The following ESF1 variants were observed in gnomAD, a reference collection of about 807,000 sequenced individuals.
ESF1 encodes the protein ESF1 nucleolar pre-rRNA processing protein.
ESF1 carries 58 observed loss-of-function variants against 92.0 expected under a neutral mutation model. The ratio of observed to expected loss-of-function variants is 0.63; its 90% CI spans 0.51 to 0.78. ESF1 has a LOEUF of 0.78. Ranked by LOEUF, ESF1 falls within the 30% of genes least tolerant of loss-of-function variation. The pLI, the probability that ESF1 is intolerant of heterozygous loss-of-function variation, is 0.00. For missense variants in ESF1, 922 were observed against 989.1 expected (o/e 0.93, Z 0.91); for synonymous variants, 321 against 313.7 (o/e 1.02, Z -0.24).
At chr20:13,750,119 G>C (rs1055993826) in intron 9 of ESF1, among the ~76,000 whole-genome samples, 2 of 152,170 alleles carry the variant, frequency 1.3e-5, no homozygotes, top group Non-Finnish European at 2.9e-5. Context: ...ATTGAGAAAG[G>C]CTGCAAATCT....
chr20:13,717,398 T>G lies in ESF1; in HGVS notation c.2232A>C (p.Lys744Asn). The G allele has an allele frequency of 6.2e-7, 1 of 1,614,186 alleles. No homozygotes were observed. Among genetic ancestry groups the G allele is most frequent in the Non-Finnish European group, 8.5e-7 (1 of 1,180,026 alleles). The change falls in exon 13 of 14, where the codon AAA becomes AAC. Residue 744 changes from lysine to asparagine, a missense_variant. By Grantham distance (94) the Lys-to-Asn change is moderately conservative (BLOSUM62 0). Transcript: ENST00000617257. ...LSKKKKKQLMKKKELIEDDFE... is the reference protein window; with the variant it reads ...LSKKKKKQLMNKKELIEDDFE... ...AGTCATCCTCTATTAATTCCTTCTT[T>G]TTCATGAGCTGCTTTTTCTTCTTTT... is the stretch of plus-strand genomic sequence containing the variant.
At chr20:13,728,120 A>G (rs1199750064) in intron 11 of ESF1, among the ~76,000 whole-genome samples, 1 of 152,162 alleles carries the variant, frequency 6.6e-6, no homozygotes, top group African/African-American at 2.4e-5. Flanking sequence ...TATTTCCCAG[A>G]AAGGAATCCC....
Position 13,783,155 on chromosome 20 carries a change from C to T in ESF1, c.-15G>A. The T allele has an allele frequency of 4.4e-6, 7 of 1,586,430 alleles. No individual in the cohort carries two copies. The highest frequency in any genetic ancestry group is 6.0e-6 in the Non-Finnish European group (7 of 1,164,048). Reference sequence around the variant, plus strand: ...TTGGATGACATTTTTAATTCTTAATCTCGACCAAATGCTTGAAGAAAACAA... The same window carrying T: ...TTGGATGACATTTTTAATTCTTAATTTCGACCAAATGCTTGAAGAAAACAA... On this transcript the variant is annotated 5_prime_UTR_variant, in exon 2 of 14. Coordinates refer to ENST00000617257, the MANE Select transcript of ESF1 (RefSeq NM_001276380.2).
intron 11 of ESF1, among the ~76,000 whole-genome samples, chr20:13,724,213 T>G (rs2049886261): frequency 6.6e-6 from 1 of 152,160 alleles, no homozygotes; most frequent in Admixed American, 6.5e-5. Context: ...GAGAATCGCT[T>G]GAACCCAGGA....
chr20:13,747,477 A>G (rs2050058441), intron 9 of ESF1, among the ~76,000 whole-genome samples: 1 of 151,856 alleles, frequency 6.6e-6, no homozygotes, highest in Admixed American at 6.6e-5. Flanking sequence ...AGGCAGGAGA[A>G]CTGCTTGAAC....
intron 5 of ESF1, among the ~76,000 whole-genome samples, chr20:13,771,834 A>C (rs1979697409): frequency 6.6e-6 from 1 of 151,862 alleles, no homozygotes; most frequent in African/African-American, 2.4e-5. Flanking sequence ...GAAAACCATT[A>C]GCTAAAAGAC....
intron 1 of ESF1, 98 bp downstream of exon 1, chr20:13,784,782 A>G: frequency 2.1e-6 from 1 of 479,676 alleles, no homozygotes; most frequent in East Asian, 3.8e-5. Context: ...GATCCGAAAG[A>G]GATCCTGTTA....
intron 1 of ESF1, 36 bp from the exon 2 acceptor site, chr20:13,783,219 G>A (rs1980321106): frequency 2.2e-6 from 3 of 1,351,630 alleles, no homozygotes; most frequent in Non-Finnish European, 3.0e-6. Context: ...TGGTAATAAT[G>A]GTTAGTACAA....
intron 8 of ESF1, among the ~76,000 whole-genome samples, chr20:13,763,714 A>G (rs1312326824): frequency 6.6e-6 from 1 of 152,256 alleles, no homozygotes; most frequent in African/African-American, 2.4e-5. Context: ...TAAAATGGTC[A>G]TCTAGTTATT....
At chr20:13,764,041 G>GC (rs1979321368) in intron 8 of ESF1, among the ~76,000 whole-genome samples, 1 of 152,072 alleles carries the variant, frequency 6.6e-6, no homozygotes, top group Non-Finnish European at 1.5e-5. Flanking sequence ...TGGCATTATG[G>GC]TCATACTAAA....
chr20:13,726,703 T>C (rs79793790), intron 11 of ESF1, among the ~76,000 whole-genome samples: 176 of 152,334 alleles, frequency 1.2e-3, no homozygotes, highest in Non-Finnish European at 1.6e-3. Context: ...ATCTCTAGCC[T>C]AGCAGAGAGC....
chr20:13,725,471 C>G (rs2049895148), intron 11 of ESF1, among the ~76,000 whole-genome samples: 2 of 152,198 alleles, frequency 1.3e-5, no homozygotes, highest in South Asian at 4.1e-4. Context: ...CATTCTTGGT[C>G]TCTACTTCCT....
chr20:13,722,884 T>C (rs1345003331), intron 11 of ESF1, among the ~76,000 whole-genome samples: 2 of 151,710 alleles, frequency 1.3e-5, no homozygotes, highest in African/African-American at 2.4e-5. Context: ...AGAAACTACA[T>C]CTCCTGGGAC....
intron 9 of ESF1, among the ~76,000 whole-genome samples, chr20:13,744,816 C>T (rs2050037651): frequency 6.6e-6 from 1 of 152,200 alleles, no homozygotes; most frequent in African/African-American, 2.4e-5. Flanking sequence ...CCATAAACTT[C>T]CTATTCCCCA....
chr20:13,756,695 T>C (rs951405252), intron 9 of ESF1, among the ~76,000 whole-genome samples: 1 of 152,204 alleles, frequency 6.6e-6, no homozygotes, highest in Non-Finnish European at 1.5e-5. Context: ...GAACCACAGG[T>C]TGATCTACAG....
chr20:13,752,446 G>A (rs1030095256), intron 9 of ESF1, among the ~76,000 whole-genome samples: 11 of 151,970 alleles, frequency 7.2e-5, no homozygotes, highest in Non-Finnish European at 1.2e-4. Flanking sequence ...TTCTATACTC[G>A]ATTCAAAATT....
At chr20:13,748,562 ATATGTGTG>A (rs1978421037) in intron 9 of ESF1, among the ~76,000 whole-genome samples, 2 of 37,172 alleles carry the variant, frequency 5.4e-5, no homozygotes, top group East Asian at 2.0e-3. Context: ...ATATATATAT[ATATGTGTG>A]TGTGTATATA....
At chr20:13,770,893 G>A (rs1479558885) in intron 6 of ESF1, among the ~76,000 whole-genome samples, 1 of 152,122 alleles carries the variant, frequency 6.6e-6, no homozygotes, top group Non-Finnish European at 1.5e-5. Context: ...ATATGACTAC[G>A]CAACTGACTT....
At chr20:13,763,005 C>T (rs918055938) in intron 8 of ESF1, 22 of 218,610 alleles carry the variant, frequency 1.0e-4, no homozygotes, top group South Asian at 8.8e-4. Context: ...GGACTACAGG[C>T]GCCCGCCACT....
Sources: allele counts gnomAD v4.1 joint callset (sites outside exome capture counted in the v4.1 genomes callset), GRCh38; gene constraint gnomAD v4.1.1; transcripts MANE v1.5; gene names NCBI Gene and HGNC (gene_info 2026-07-23, HGNC 2026-07-21).